CDK14: variants seen among roughly 807,000 people sequenced by gnomAD.
CDK14 encodes the protein cyclin-dependent kinase 14.
CDK14 carries 34 observed loss-of-function variants against 60.7 expected under a neutral mutation model. The ratio of observed to expected loss-of-function variants is 0.56; its 90% CI spans 0.43 to 0.75. CDK14 has a LOEUF of 0.75. CDK14 is among the 30% of genes least tolerant of loss of function. The pLI is 0.00. For synonymous variants in CDK14, 197 were observed against 203.7 expected (o/e 0.97, Z 0.28); for missense variants, 482 against 564.1 (o/e 0.85, Z 1.47).
At chr7:90,933,297 A>G (rs1014258520) in intron 8 of CDK14, among the ~76,000 whole-genome samples, 2 of 151,524 alleles carry the variant, frequency 1.3e-5, no homozygotes, top group South Asian at 4.2e-4. Flanking sequence ...AAAAAAAAAA[A>G]TTGTTAGCAT....
intron 6 of CDK14, among the ~76,000 whole-genome samples, chr7:90,875,988 T>C (rs1264091451): frequency 6.6e-6 from 1 of 152,206 alleles, no homozygotes; most frequent in East Asian, 1.9e-4. Flanking sequence ...CTTTGTGAAG[T>C]TTTTCTAATA....
chr7:91,188,519 G>C (rs1479102931), intron 14 of CDK14, among the ~76,000 whole-genome samples: 1 of 152,138 alleles, frequency 6.6e-6, no homozygotes, highest in Non-Finnish European at 1.5e-5. Context: ...TAGAAACTCA[G>C]GGCCAAAGTG....
chr7:91,044,658 T>G (rs1339063616), intron 10 of CDK14, among the ~76,000 whole-genome samples: 1 of 152,146 alleles, frequency 6.6e-6, no homozygotes, highest in Non-Finnish European at 1.5e-5. Context: ...GTTGAAGGGC[T>G]TATAATTTTA....
At chr7:91,111,098 A>G (rs1584075756) in intron 12 of CDK14, among the ~76,000 whole-genome samples, 1 of 152,340 alleles carries the variant, frequency 6.6e-6, no homozygotes, top group Non-Finnish European at 1.5e-5. Context: ...GTGAACAGCC[A>G]TTGCAGCAGC....
intron 5 of CDK14, among the ~76,000 whole-genome samples, chr7:90,793,511 A>G (rs1186489234): frequency 2.6e-5 from 4 of 152,250 alleles, no homozygotes; most frequent in African/African-American, 4.8e-5. Flanking sequence ...AGTGTTCCAG[A>G]CAGGTATAGA....
At chr7:90,840,790 TACAG>T (rs1169654804) in intron 5 of CDK14, among the ~76,000 whole-genome samples, 1 of 152,214 alleles carries the variant, frequency 6.6e-6, no homozygotes, top group Non-Finnish European at 1.5e-5. Flanking sequence ...TAGAAGGTGA[TACAG>T]ACTGCTTACC....
intron 14 of CDK14, among the ~76,000 whole-genome samples, chr7:91,120,593 G>A (rs1799750783): frequency 6.6e-6 from 1 of 151,320 alleles, no homozygotes; most frequent in African/African-American, 2.4e-5. Context: ...GAGTGAAGTG[G>A]CATAATCTTG....
chr7:91,207,779 G>A lies in CDK14; in HGVS notation c.*643G>A, dbSNP rs1212132000. The stretch of plus-strand genomic sequence containing the variant: ...CTGCACATTTATATATAGGATATTG[G>A]ACTCTGCTTAGCATTTTCAAGCCAC... On this transcript the variant is annotated 3_prime_UTR_variant, in exon 15 of 15. Transcript: ENST00000380050. The A allele has an allele frequency of 6.6e-6, 1 of 152,602 alleles. No individual in the cohort carries two copies. Among genetic ancestry groups the A allele is most frequent in the African/African-American group, 2.4e-5 (1 of 41,440 alleles). The allele number at this position is 152,602 out of a possible 1,614,324, so 9.5% of individuals were successfully genotyped here. A position where few individuals can be genotyped will look rare whatever the true frequency, so the allele number is the denominator to read the frequency against.
chr7:91,120,382 C>G (rs532377205), intron 14 of CDK14, among the ~76,000 whole-genome samples: 4 of 152,206 alleles, frequency 2.6e-5, no homozygotes, highest in African/African-American at 9.6e-5. Context: ...ATATAAAAGC[C>G]TTTACAAAAA....
chr7:90,605,713 A>C (rs1402707394), intron 2 of CDK14, among the ~76,000 whole-genome samples: 1 of 152,226 alleles, frequency 6.6e-6, no homozygotes, highest in Non-Finnish European at 1.5e-5. Context: ...CCCCGATACA[A>C]CAACTGTTGA....
intron 2 of CDK14, among the ~76,000 whole-genome samples, chr7:90,695,473 A>G (rs1426518398): frequency 6.6e-6 from 1 of 152,202 alleles, no homozygotes; most frequent in Admixed American, 6.5e-5. Context: ...ACTATTTACC[A>G]GGCACAGTTC....
chr7:90,803,057 T>G (rs2117010424), intron 5 of CDK14, among the ~76,000 whole-genome samples: 1 of 152,226 alleles, frequency 6.6e-6, no homozygotes, highest in Admixed American at 6.5e-5. Context: ...CTCTGGGTGC[T>G]TGGATAGGGA....
chr7:91,010,955 G>A (rs971492539), intron 10 of CDK14, among the ~76,000 whole-genome samples: 2 of 147,758 alleles, frequency 1.4e-5, no homozygotes, highest in Non-Finnish European at 3.0e-5. Flanking sequence ...TTCTTGCATT[G>A]TTCTTAAACT....
intron 3 of CDK14, among the ~76,000 whole-genome samples, chr7:90,727,426 A>G (rs1802684674): frequency 6.6e-6 from 1 of 152,184 alleles, no homozygotes; most frequent in Admixed American, 6.5e-5. Flanking sequence ...CTTTAGATAT[A>G]ACTAGTGATT....
chr7:90,820,255 G>T (rs1341159297), intron 5 of CDK14, among the ~76,000 whole-genome samples: 2 of 152,014 alleles, frequency 1.3e-5, no homozygotes, highest in African/African-American at 4.8e-5. Context: ...CTCTCTTTCT[G>T]CTTCCTTGGG....
chr7:90,611,070 T>G (rs1392969992), intron 2 of CDK14, among the ~76,000 whole-genome samples: 1 of 152,170 alleles, frequency 6.6e-6, no homozygotes, highest in African/African-American at 2.4e-5. Flanking sequence ...TCCAGGCCAG[T>G]TCCTCCTCCT....
intron 2 of CDK14, among the ~76,000 whole-genome samples, chr7:90,684,470 C>G (rs968982488): frequency 6.6e-6 from 1 of 152,124 alleles, no homozygotes; most frequent in Middle Eastern, 3.2e-3. Context: ...CAGTTTTATT[C>G]CTTCTTCCCC....
intron 6 of CDK14, among the ~76,000 whole-genome samples, chr7:90,867,762 A>G (rs959683031): frequency 1.3e-5 from 2 of 152,114 alleles, no homozygotes; most frequent in African/African-American, 4.8e-5. Context: ...TGGTTTAACA[A>G]TATGATATTG....
At chr7:90,857,827 G>A (rs1308251607) in intron 5 of CDK14, among the ~76,000 whole-genome samples, 1 of 152,168 alleles carries the variant, frequency 6.6e-6, no homozygotes, top group Non-Finnish European at 1.5e-5. Context: ...ACCTCACTGG[G>A]ACCAGTGGCT....
Sources: gnomAD v4.1 joint callset for allele counts (sites outside exome capture counted in the v4.1 genomes callset) on GRCh38, gnomAD v4.1.1 for gene constraint, MANE v1.5 for transcripts, NCBI Gene and HGNC (gene_info 2026-07-23, HGNC 2026-07-21) for gene names.